MGST1: variants seen among roughly 807,000 people sequenced by gnomAD.
MGST1 encodes glutathione S-transferase 12.
Under a neutral mutation model 8.9 loss-of-function variants are expected in MGST1, and 5 were observed. The observed-to-expected ratio is 0.56, with a 90% confidence interval of 0.29 to 1.19. The LOEUF is 1.19. Ranked by LOEUF, MGST1 falls within the 50% of genes most tolerant of loss-of-function variation. The probability of loss-of-function intolerance (pLI) is 0.08; values close to 1 mark genes in which losing one functional copy is unlikely to be tolerated. For missense variants in MGST1, 182 were observed against 187.4 expected (o/e 0.97, Z 0.17); for synonymous variants, 54 against 67.8 (o/e 0.80, Z 1.00).
intron 4 of MGST1, among the ~76,000 whole-genome samples, chr12:16,510,706 T>C (rs1257551888): frequency 1.3e-5 from 2 of 152,218 alleles, no homozygotes; most frequent in African/African-American, 4.8e-5. Context: ...AAAATCATTT[T>C]AGGTCTTACT....
intron 4 of MGST1, among the ~76,000 whole-genome samples, chr12:16,479,178 T>C (rs1941346699): frequency 6.6e-6 from 1 of 151,538 alleles, no homozygotes; most frequent in Non-Finnish European, 1.5e-5. Flanking sequence ...CTTTTTATGC[T>C]TGATAATATT....
At position 16,587,523 on chromosome 12, in the gene MGST1, C is replaced by G. The variant is rs1480673439; in HGVS notation, n.483-2005C>G. 3.3e-5 allele frequency among the ~76,000 whole-genome samples: 5 copies of G among 151,956 alleles called. No homozygotes were observed. The highest frequency in any genetic ancestry group is 7.4e-5 in the Non-Finnish European group (5 of 67,980). On this transcript the variant is annotated intron_variant and non_coding_transcript_variant, in intron 4 of 4. Coordinates refer to the MGST1 transcript ENST00000538857. This position sits in a 1 kb window ranked among gnomAD's most constrained non-coding sequence, Gnocchi z 4.3. ...ACTGTGCCTCTTTTTTAAATAAACCCCTGGCCTTGAGTTTTGGCCCCTTAA... is the reference window on the plus strand; with the variant it reads ...ACTGTGCCTCTTTTTTAAATAAACCGCTGGCCTTGAGTTTTGGCCCCTTAA...
intron 4 of MGST1, among the ~76,000 whole-genome samples, chr12:16,580,479 A>G (rs1222515018): frequency 6.6e-6 from 1 of 152,228 alleles, no homozygotes; most frequent in Non-Finnish European, 1.5e-5. Flanking sequence ...CATGACCATC[A>G]GATGTAAAGT....
At chr12:16,385,890 A>G (rs975134704) in intron 1 of MGST1, among the ~76,000 whole-genome samples, 4 of 152,120 alleles carry the variant, frequency 2.6e-5, no homozygotes, top group African/African-American at 7.2e-5. Flanking sequence ...AGTCAAGTCT[A>G]TTTGACAGCC....
chr12:16,588,426 A>G (rs193204443), intron 4 of MGST1, among the ~76,000 whole-genome samples: 1 of 152,162 alleles, frequency 6.6e-6, no homozygotes, highest in Admixed American at 6.5e-5. Context: ...AAAACAACCT[A>G]AAATTTTATA....
rs772573482 is a variant in MGST1, at chr12:16,354,258, T to G, written c.6T>G (p.Val2=). ...TCCAGACCAAAATTGAAAAAATGGTTGACCTCACCCAGGTAATGGATGATG... is the reference window on the plus strand; with the variant it reads ...TCCAGACCAAAATTGAAAAAATGGTGGACCTCACCCAGGTAATGGATGATG... The part of the protein sequence containing the change: M[V]DLTQVMDDEV... Residue 2 remains valine, a synonymous_variant, in exon 2 of 4, where the codon GTT becomes GTG. Coordinates refer to ENST00000396210, the MANE Select transcript of MGST1 (RefSeq NM_020300.5). The G allele has an allele frequency of 3.8e-6, 6 of 1,578,698 alleles. No homozygotes were observed. Among genetic ancestry groups the G allele is most frequent in the Non-Finnish European group, 5.1e-6 (6 of 1,168,058 alleles).
intron 1 of MGST1, among the ~76,000 whole-genome samples, chr12:16,349,746 T>C (rs1015151528): frequency 6.7e-5 from 10 of 148,228 alleles, no homozygotes; most frequent in Admixed American, 4.7e-4. Context: ...AGAGCTTCTT[T>C]TTTTTTTTTT....
At chr12:16,577,246 C>A (rs922817416) in intron 4 of MGST1, among the ~76,000 whole-genome samples, 1 of 152,128 alleles carries the variant, frequency 6.6e-6, no homozygotes, top group African/African-American at 2.4e-5. Flanking sequence ...TGCACCAACA[C>A]CCACCTGAAT....
intron 1 of MGST1, among the ~76,000 whole-genome samples, chr12:16,423,031 C>T (rs764571154): frequency 6.6e-6 from 1 of 152,196 alleles, no homozygotes; most frequent in Non-Finnish European, 1.5e-5. Context: ...TTTCCCCTGA[C>T]TCTGTTTGTC....
chr12:16,409,969 A>G (rs1940729734), intron 1 of MGST1, among the ~76,000 whole-genome samples: 1 of 152,182 alleles, frequency 6.6e-6, no homozygotes, highest in South Asian at 2.1e-4. Context: ...GTTTTATGTT[A>G]TCTCAGAGAT....
At chr12:16,529,331 G>A (rs17669482) in intron 4 of MGST1, among the ~76,000 whole-genome samples, 6 of 151,864 alleles carry the variant, frequency 4.0e-5, no homozygotes, top group African/African-American at 7.3e-5. Flanking sequence ...GATAGTCTGC[G>A]AATTTAAGTG....
intron 4 of MGST1, among the ~76,000 whole-genome samples, chr12:16,578,741 C>T (rs974586739): frequency 1.1e-4 from 17 of 151,862 alleles, no homozygotes; most frequent in Non-Finnish European, 2.2e-4. Flanking sequence ...TTCCTTGAAC[C>T]TGGGAGGCGG....
At chr12:16,563,576 T>A (rs541205845) in intron 4 of MGST1, among the ~76,000 whole-genome samples, 1 of 152,292 alleles carries the variant, frequency 6.6e-6, no homozygotes, top group African/African-American at 2.4e-5. Flanking sequence ...ATAATCCTGA[T>A]AATTCTTGTA....
downstream of MGST1, among the ~76,000 whole-genome samples, chr12:16,592,902 C>A (rs1380872356): frequency 1.3e-5 from 2 of 151,768 alleles, no homozygotes; most frequent in Non-Finnish European, 3.0e-5. Flanking sequence ...TCTGTTAGAA[C>A]TGCTAAAATA....
chr12:16,396,703 A>T (rs1940609684), intron 1 of MGST1, among the ~76,000 whole-genome samples: 1 of 152,174 alleles, frequency 6.6e-6, no homozygotes, highest in Non-Finnish European at 1.5e-5. Context: ...AAAAAAATAA[A>T]AAATACTTAG....
chr12:16,420,070 A>T (rs1421679699), intron 1 of MGST1, among the ~76,000 whole-genome samples: 2 of 152,206 alleles, frequency 1.3e-5, no homozygotes, highest in African/African-American at 2.4e-5. Flanking sequence ...TTAACAATTC[A>T]TTTCTATCTT....
chr12:16,441,137 T>C (rs1469418506), downstream of MGST1, among the ~76,000 whole-genome samples: 1 of 151,840 alleles, frequency 6.6e-6, no homozygotes, highest in Non-Finnish European at 1.5e-5. Flanking sequence ...ACATCTTTTC[T>C]CAGGTACAGA....
In MGST1 at chr12:16,425,442, CCTGA is replaced by C. The variant is rs1252666677; in HGVS notation, n.779-11943_779-11940del. Among the ~76,000 whole-genome samples the C allele has an allele frequency of 3.3e-5, 5 of 152,088 alleles. No individual in the cohort carries two copies. In the South Asian group the frequency reaches 8.3e-4, roughly 25 times the overall value. On this transcript the variant is annotated intron_variant and non_coding_transcript_variant, in intron 1 of 1. Transcript: ENST00000359720. ...AGATTACAGATGTGAGCCACCAATG[CCTGA>C]CTAATTTTTGTATTTTTAGTAGAGA... is the stretch of plus-strand genomic sequence containing the variant.
chr12:16,583,765 T>G (rs1453179461), intron 4 of MGST1, among the ~76,000 whole-genome samples: 1 of 152,012 alleles, frequency 6.6e-6, no homozygotes, highest in East Asian at 1.9e-4. Context: ...GGAGCAGTGG[T>G]GAAAATTGAG....
Sources: gnomAD v4.1 joint callset for allele counts (sites outside exome capture counted in the v4.1 genomes callset) on GRCh38, gnomAD v4.1.1 for gene constraint, Gnocchi (gnomAD v3.1) non-coding constraint, MANE v1.5 for transcripts, NCBI Gene and HGNC (gene_info 2026-07-23, HGNC 2026-07-21) for gene names.